The following STPG4 variants were observed in gnomAD, a reference collection of about 807,000 sequenced individuals.
STPG4 encodes the protein protein STPG4.
STPG4 carries 41 observed loss-of-function variants against 31.5 expected under a neutral mutation model. The observed-to-expected ratio is 1.30, with a 90% CI of 1.01 to 1.69. The LOEUF is 1.69. Ranked by LOEUF, STPG4 falls within the 40% of genes most tolerant of loss-of-function variation. The pLI is 0.00. For missense variants in STPG4, 375 were observed against 293.4 expected, an observed-to-expected ratio of 1.28 and a Z score of -2.03; for synonymous variants, 141 against 103.0, an observed-to-expected ratio of 1.37 and a Z score of -2.24.
intron 5 of STPG4, among the ~76,000 whole-genome samples, chr2:47,091,916 C>T (rs1315399026): frequency 1.3e-5 from 2 of 151,168 alleles, no homozygotes. Flanking sequence ...ATGATATGTG[C>T]CTGGTTCAAT....
intron 6 of STPG4, among the ~76,000 whole-genome samples, 185 bp downstream of exon 6, chr2:47,090,085 C>G (rs541042211): frequency 2.0e-5 from 3 of 152,156 alleles, no homozygotes; most frequent in African/African-American, 7.2e-5. Flanking sequence ...TGAGAACATC[C>G]AGGTATTTGA....
chr2:47,149,394 G>A (rs1686893871), intron 3 of STPG4, among the ~76,000 whole-genome samples: 1 of 152,190 alleles, frequency 6.6e-6, no homozygotes. Flanking sequence ...AATGGCAGAA[G>A]AGAGTAAGAA....
intron 3 of STPG4, among the ~76,000 whole-genome samples, chr2:47,131,650 A>G (rs1686487352): frequency 1.3e-5 from 2 of 152,188 alleles, no homozygotes; most frequent in Admixed American, 1.3e-4. Flanking sequence ...AAGAGATTAA[A>G]TCCAACTGGG....
chr2:47,128,294 C>A (rs1356469451), intron 5 of STPG4, among the ~76,000 whole-genome samples: 1 of 152,120 alleles, frequency 6.6e-6, no homozygotes, highest in Non-Finnish European at 1.5e-5. Context: ...TGGGTCAGAG[C>A]CAGCATGGTA....
At chr2:47,101,063 A>G (rs1685789584) in intron 5 of STPG4, among the ~76,000 whole-genome samples, 1 of 151,786 alleles carries the variant, frequency 6.6e-6, no homozygotes, top group Admixed American at 6.6e-5. Flanking sequence ...GAGCAATGAG[A>G]CCATCACCTA....
intron 5 of STPG4, among the ~76,000 whole-genome samples, chr2:47,100,776 AAC>A (rs1685780376): frequency 1.3e-5 from 2 of 151,694 alleles, no homozygotes; most frequent in Non-Finnish European, 2.9e-5. Context: ...TAAGAGCTGT[AAC>A]ACTCACCACG....
At chr2:47,145,216 A>G (rs1686795433) in intron 3 of STPG4, among the ~76,000 whole-genome samples, 2 of 152,248 alleles carry the variant, frequency 1.3e-5, no homozygotes, top group Admixed American at 1.3e-4. Context: ...GCCCTGGAAG[A>G]ATCCAGGGGT....
At chr2:47,136,431 A>G (rs1686598478) in intron 3 of STPG4, among the ~76,000 whole-genome samples, 1 of 152,118 alleles carries the variant, frequency 6.6e-6, no homozygotes. Context: ...TACAGGCATG[A>G]GCCACCACGC....
At chr2:47,118,402 G>A (rs1686195042) in intron 5 of STPG4, among the ~76,000 whole-genome samples, 1 of 152,164 alleles carries the variant, frequency 6.6e-6, no homozygotes, top group Non-Finnish European at 1.5e-5. Flanking sequence ...AGGAAAACAA[G>A]CTCAGGGCTC....
intron 5 of STPG4, among the ~76,000 whole-genome samples, chr2:47,111,697 A>G (rs1464112823): frequency 6.6e-6 from 1 of 152,138 alleles, no homozygotes; most frequent in East Asian, 1.9e-4. Context: ...CTTTTTACTT[A>G]TGGTAGAATA....
chr2:47,091,426 A>G (rs1685567344), intron 5 of STPG4, among the ~76,000 whole-genome samples: 1 of 152,280 alleles, frequency 6.6e-6, no homozygotes, highest in Non-Finnish European at 1.5e-5. Context: ...GAAAATGGGA[A>G]TAGCCCAAAC....
chr2:47,090,165 C>A lies in STPG4; in HGVS notation c.624+105G>T, dbSNP rs138016561. 5.1e-4 allele frequency: 366 copies of A among 722,896 alleles called. 1 individual carries two copies. The African/African-American group carries it at 5.7e-3, about 11-fold the overall frequency. The allele number at this position is 722,896 out of a possible 1,614,324, so 44.8% of individuals were successfully genotyped here. A position where few individuals can be genotyped will look rare whatever the true frequency, so the allele number is the denominator to read the frequency against. ...AACTGTACACACATGATCATTCCCC[C>A]ATCTCACCACCACCCCGCACCTCCT... is the stretch of plus-strand genomic sequence containing the variant. On this transcript the variant is annotated intron_variant, in intron 6 of 6. Transcript: ENST00000445927.
intron 3 of STPG4, among the ~76,000 whole-genome samples, chr2:47,138,541 G>A (rs542023091): frequency 2.2e-4 from 33 of 151,774 alleles, no homozygotes; most frequent in African/African-American, 3.6e-4. Context: ...ACAGGCACCC[G>A]CCACCATGCC....
chr2:47,103,668 G>A (rs1022732343), intron 5 of STPG4, among the ~76,000 whole-genome samples: 3 of 151,862 alleles, frequency 2.0e-5, no homozygotes, highest in Admixed American at 6.5e-5. Flanking sequence ...CTGCCCCCTC[G>A]TCCATGTCCA....
intron 3 of STPG4, among the ~76,000 whole-genome samples, chr2:47,140,220 T>G (rs1050058869): frequency 6.6e-6 from 1 of 151,952 alleles, no homozygotes; most frequent in Non-Finnish European, 1.5e-5. Context: ...CTGGCTGGAG[T>G]TGGGTATTGC....
chr2:47,112,326 C>A (rs1226762122), intron 5 of STPG4, among the ~76,000 whole-genome samples: 5 of 150,626 alleles, frequency 3.3e-5, no homozygotes, highest in African/African-American at 1.2e-4. Flanking sequence ...ACCACCACAC[C>A]CAGCTAATTT....
At chr2:47,135,766 C>A (rs1309324916) in intron 3 of STPG4, among the ~76,000 whole-genome samples, 2 of 152,202 alleles carry the variant, frequency 1.3e-5, no homozygotes, top group Admixed American at 6.5e-5. Context: ...TGTATTGACT[C>A]TGCTCCTTTG....
chr2:47,151,171 G>A, intron 3 of STPG4, 87 bp downstream of exon 3: 1 of 1,470,206 alleles, frequency 6.8e-7, no homozygotes, highest in South Asian at 1.3e-5. Flanking sequence ...TTCTCCTGGG[G>A]GAAGATATAC....
chr2:47,098,180 G>A (rs1395294175), intron 5 of STPG4, among the ~76,000 whole-genome samples: 1 of 152,136 alleles, frequency 6.6e-6, no homozygotes, highest in African/African-American at 2.4e-5. Flanking sequence ...TGGTCTTCCA[G>A]GCCTCCTCTC....
Sources: gnomAD v4.1 joint callset for allele counts (sites outside exome capture counted in the v4.1 genomes callset) on GRCh38, gnomAD v4.1.1 for gene constraint, MANE v1.5 for transcripts, NCBI Gene and HGNC (gene_info 2026-07-23, HGNC 2026-07-21) for gene names.